The following MAGI3 variants were observed in gnomAD, a reference collection of about 807,000 sequenced individuals.
MAGI3 encodes the protein membrane associated guanylate kinase, WW and PDZ domain containing 3, also known as membrane-associated guanylate kinase, WW and PDZ domain-containing protein 3.
In MAGI3, 43 loss-of-function variants were observed where a neutral mutation model predicts 121.8. The observed-to-expected ratio is 0.35, with a 90% confidence interval of 0.28 to 0.46. The LOEUF (loss-of-function observed/expected upper bound fraction) is 0.46. Ranked by LOEUF, MAGI3 falls within the 20% of genes least tolerant of loss-of-function variation. The probability of loss-of-function intolerance (pLI) is 1.00; values close to 1 mark genes in which losing one functional copy is unlikely to be tolerated. For synonymous variants in MAGI3, 553 were observed against 639.3 expected, an observed-to-expected ratio of 0.86 and a Z score of 2.04; for missense variants, 1,547 against 1,797.3, an observed-to-expected ratio of 0.86 and a Z score of 2.52.
At chr1:113,638,642 T>G (rs1347844732) in intron 9 of MAGI3, among the ~76,000 whole-genome samples, 1 of 152,184 alleles carries the variant, frequency 6.6e-6, no homozygotes, top group Admixed American at 6.5e-5. Context: ...CTGCCCCTAC[T>G]GGGGGGTGCC....
chr1:113,436,310 A>C lies in MAGI3; in HGVS notation c.316+44961A>C, dbSNP rs191021273. ...GTAATTGCCTTCTCTCTCTCTCTAT[A>C]TATATATTTTGTATATAGATGACCA... On this transcript the variant is annotated intron_variant, in intron 1 of 20. Coordinates refer to ENST00000307546, the MANE Select transcript of MAGI3 (RefSeq NM_001142782.2). 2.3e-3 allele frequency among the ~76,000 whole-genome samples: 348 copies of C among 152,122 alleles called. 2 individuals are homozygous for C. The highest frequency in any genetic ancestry group is 8.0e-3 in the African/African-American group (333 of 41,528).
intron 1 of MAGI3, among the ~76,000 whole-genome samples, chr1:113,466,210 G>A (rs141316902): frequency 4.3e-4 from 65 of 152,268 alleles, no homozygotes; most frequent in African/African-American, 1.4e-3. Context: ...ATAAAGGGAT[G>A]TTGAATTTTA....
At chr1:113,450,178 A>G in intron 1 of MAGI3, 2 of 1,534,928 alleles carry the variant, frequency 1.3e-6, no homozygotes, top group Admixed American at 1.7e-5. Context: ...AGTTGATAAA[A>G]TTGTTGTTCA....
In MAGI3 at chr1:113,573,092, A is replaced by G. The variant is rs546955924; in HGVS notation, c.434-7450A>G. ...AGGTGCCCGCCACTACACCCTGCTA[A>G]TTTTTTGTATTTTTAGTAGAGACAG... On this transcript the variant is annotated intron_variant, in intron 2 of 20. Coordinates refer to ENST00000307546, the MANE Select transcript of MAGI3 (RefSeq NM_001142782.2). Among the ~76,000 whole-genome samples, 396 of 151,920 alleles carry G rather than the reference A, an allele frequency of 2.6e-3. 1 individual carries two copies. Among genetic ancestry groups the G allele is most frequent in the African/African-American group, 8.3e-3 (343 of 41,420 alleles).
In MAGI3 at chr1:113,391,401, G is replaced by T; in HGVS notation, c.316+52G>T. 2 of 1,545,946 alleles carry T rather than the reference G, an allele frequency of 1.3e-6. No individual in the cohort carries two copies. Among genetic ancestry groups the T allele is most frequent in the Non-Finnish European group, 8.7e-7 (1 of 1,143,516 alleles). ...GGGGTGTTGGGGAGAGGGGCTTCAG[G>T]GTGGGCGTCCTGGGAGCGGCGGCAC... is the stretch of plus-strand genomic sequence containing the variant. On this transcript the variant is annotated intron_variant, in intron 1 of 20. Transcript: ENST00000307546. This position sits in a 1 kb window ranked among gnomAD's most constrained non-coding sequence, Gnocchi z 4.4.
chr1:113,670,191 G>A (rs12029325), intron 16 of MAGI3, among the ~76,000 whole-genome samples: 1,828 of 152,166 alleles, frequency 0.012, 17 homozygotes, highest in Admixed American at 0.023. Context: ...GCCAGAGGGC[G>A]TAGAAATCCT....
intron 15 of MAGI3, 78 bp from the exon 16 acceptor site, chr1:113,659,002 T>A: frequency 8.3e-7 from 1 of 1,203,966 alleles, no homozygotes; most frequent in East Asian, 2.3e-5. Context: ...ATGTTGAATT[T>A]TAAATGACGT....
chr1:113,640,797 A>G (rs1652410272), intron 9 of MAGI3, among the ~76,000 whole-genome samples: 1 of 150,592 alleles, frequency 6.6e-6, no homozygotes, highest in Non-Finnish European at 1.5e-5. Flanking sequence ...AACCTAGATG[A>G]CGGGTTGATA....
chr1:113,449,302 G>A (rs544722553), intron 1 of MAGI3, among the ~76,000 whole-genome samples: 1 of 151,090 alleles, frequency 6.6e-6, no homozygotes, highest in African/African-American at 2.4e-5. Flanking sequence ...GAATTTCCTC[G>A]TTTAGTCTTA....
chr1:113,643,663 T>C (rs1455417008), intron 10 of MAGI3, 80 bp from the exon 11 acceptor site: 4 of 1,378,910 alleles, frequency 2.9e-6, no homozygotes, highest in Non-Finnish European at 3.1e-6. Context: ...TTGAAGCTAG[T>C]TTTATCGTAA....
In MAGI3 at chr1:113,683,759, C is replaced by T. The variant is rs370327633; in HGVS notation, c.4191C>T (p.Asn1397=). 51 of 1,603,242 alleles carry T rather than the reference C, an allele frequency of 3.2e-5. No homozygotes were observed. Among genetic ancestry groups the T allele is most frequent in the African/African-American group, 1.7e-4 (13 of 74,676 alleles). Residue 1397 remains asparagine, a synonymous_variant, in exon 21 of 21, where the codon AAC becomes AAT. Coordinates refer to ENST00000307546, the MANE Select transcript of MAGI3 (RefSeq NM_001142782.2). ...KVTTGETSSS[N]DKIGENVQLS... The stretch of plus-strand genomic sequence containing the variant: ...CCACAGGAGAAACAAGTTCTAGTAA[C>T]GATAAAATAGGAGAAAATGTCCAGC...
intron 1 of MAGI3, among the ~76,000 whole-genome samples, chr1:113,541,537 T>A (rs1659286595): frequency 6.6e-6 from 1 of 152,188 alleles, no homozygotes; most frequent in East Asian, 1.9e-4. Flanking sequence ...TAAATTATTT[T>A]AAAAATCCAT....
intron 4 of MAGI3, 56 bp from the exon 5 acceptor site, chr1:113,590,428 G>A: frequency 6.4e-7 from 1 of 1,559,898 alleles, no homozygotes; most frequent in African/African-American, 1.4e-5. Context: ...GGTGCTGTTT[G>A]AAGAAGAATA....
chr1:113,425,432 G>T (rs934909142), intron 1 of MAGI3, among the ~76,000 whole-genome samples: 1 of 150,950 alleles, frequency 6.6e-6, no homozygotes, highest in Non-Finnish European at 1.5e-5. Context: ...ACAGGCGCCC[G>T]CCACCACGCC....
At chr1:113,433,798 A>G (rs1214678916) in intron 1 of MAGI3, among the ~76,000 whole-genome samples, 4 of 152,320 alleles carry the variant, frequency 2.6e-5, no homozygotes, top group South Asian at 4.1e-4. Context: ...TAACAGCCCC[A>G]TTTTAAAAGA....
chr1:113,589,481 C>A (rs1355766286), intron 4 of MAGI3, among the ~76,000 whole-genome samples: 3 of 151,754 alleles, frequency 2.0e-5, no homozygotes, highest in Admixed American at 2.0e-4. Context: ...AAGGTTAGGG[C>A]AAAGGAATCA....
intron 1 of MAGI3, among the ~76,000 whole-genome samples, chr1:113,536,335 T>A (rs1369947788): frequency 2.0e-5 from 3 of 152,194 alleles, no homozygotes; most frequent in Non-Finnish European, 4.4e-5. Flanking sequence ...ATGAGTCATC[T>A]AATACAGTTT....
At chr1:113,458,951 T>A (rs1433520143) in intron 1 of MAGI3, among the ~76,000 whole-genome samples, 1 of 152,224 alleles carries the variant, frequency 6.6e-6, no homozygotes, top group Non-Finnish European at 1.5e-5. Context: ...AAACCCAATT[T>A]TTTTTATCCT....
intron 1 of MAGI3, among the ~76,000 whole-genome samples, chr1:113,474,081 GT>G (rs1655682695): frequency 1.3e-5 from 2 of 152,262 alleles, no homozygotes; most frequent in South Asian, 4.1e-4. Context: ...AGACGTGTCT[GT>G]TCTTATCCTT....
Sources: gnomAD v4.1 joint callset for allele counts (sites outside exome capture counted in the v4.1 genomes callset) on GRCh38, gnomAD v4.1.1 for gene constraint, Gnocchi (gnomAD v3.1) non-coding constraint, MANE v1.5 for transcripts, NCBI Gene and HGNC (gene_info 2026-07-23, HGNC 2026-07-21) for gene names.